AUTS2: variants seen among roughly 807,000 people sequenced by gnomAD.
AUTS2 encodes the protein autism susceptibility gene 2 protein.
In AUTS2, 17 loss-of-function variants were observed where a neutral mutation model predicts 112.4. That is an observed-to-expected ratio of 0.15 (90% CI 0.10 to 0.23). The LOEUF (loss-of-function observed/expected upper bound fraction) is 0.23. Ranked by LOEUF, AUTS2 falls within the 10% of genes least tolerant of loss-of-function variation. The probability of loss-of-function intolerance (pLI) is 1.00; values close to 1 mark genes in which losing one functional copy is unlikely to be tolerated. For synonymous variants in AUTS2, 751 were observed against 702.7 expected (o/e 1.07, Z -1.09); for missense variants, 1,510 against 1,701.6 (o/e 0.89, Z 1.98).
Position 69,899,273 on chromosome 7 carries a change from T to G in AUTS2, c.310-13T>G. The G allele has an allele frequency of 6.2e-7, 1 of 1,605,600 alleles. No homozygotes were observed. Among genetic ancestry groups the G allele is most frequent in the African/African-American group, 1.3e-5 (1 of 74,788 alleles). Reference sequence around the variant, plus strand: ...TAACCACCACTTCCCTTTCCTTCTCTTCTTTTCTACAGAAAGATGTAGCAC... The same window carrying G: ...TAACCACCACTTCCCTTTCCTTCTCGTCTTTTCTACAGAAAGATGTAGCAC... On this transcript the variant is annotated splice_polypyrimidine_tract_variant and intron_variant, in intron 1 of 18. Coordinates refer to ENST00000342771, the MANE Select transcript of AUTS2 (RefSeq NM_015570.4).
chr7:70,302,645 A>G (rs1562864451), intron 4 of AUTS2, among the ~76,000 whole-genome samples: 1 of 151,876 alleles, frequency 6.6e-6, no homozygotes, highest in Non-Finnish European at 1.5e-5. Context: ...TATAATTTCC[A>G]TAATAAAACC....
intron 18 of AUTS2, 51 bp downstream of exon 18, chr7:70,787,482 C>A: frequency 2.2e-6 from 3 of 1,358,786 alleles, no homozygotes; most frequent in Non-Finnish European, 3.0e-6. Flanking sequence ...TGCTCTATGC[C>A]AAGTACCAGT....
intron 4 of AUTS2, among the ~76,000 whole-genome samples, chr7:70,312,041 T>A (rs566882583): frequency 2.6e-5 from 4 of 152,212 alleles, no homozygotes; most frequent in African/African-American, 9.6e-5. Flanking sequence ...GTATTTTTAA[T>A]AGAGATGAAG....
intron 4 of AUTS2, among the ~76,000 whole-genome samples, chr7:70,151,328 C>T (rs1807425908): frequency 6.6e-6 from 1 of 152,086 alleles, no homozygotes; most frequent in Non-Finnish European, 1.5e-5. Context: ...TAACCCATAG[C>T]CAGGAACAGT....
chr7:70,253,598 CA>C (rs1786712957), intron 4 of AUTS2, among the ~76,000 whole-genome samples: 1 of 151,978 alleles, frequency 6.6e-6, no homozygotes, highest in South Asian at 2.1e-4. Context: ...TGGTTTTTAC[CA>C]GATATTTGAT....
intron 1 of AUTS2, among the ~76,000 whole-genome samples, chr7:69,849,124 G>A (rs1363748630): frequency 1.3e-5 from 2 of 152,200 alleles, no homozygotes; most frequent in Non-Finnish European, 2.9e-5. Context: ...TGAGGCTGCA[G>A]TGAGCTATGA....
At chr7:69,962,786 T>A (rs988425836) in intron 2 of AUTS2, among the ~76,000 whole-genome samples, 1 of 151,880 alleles carries the variant, frequency 6.6e-6, no homozygotes, top group Non-Finnish European at 1.5e-5. Flanking sequence ...CTAGGAGGGC[T>A]GAAAAAGAGA....
At chr7:70,492,849 G>T (rs1304597546) in intron 5 of AUTS2, among the ~76,000 whole-genome samples, 1 of 152,220 alleles carries the variant, frequency 6.6e-6, no homozygotes, top group African/African-American at 2.4e-5. Context: ...GAGTGGCCTG[G>T]AAGTGCAGCC....
chr7:70,211,769 G>A (rs570419725), intron 4 of AUTS2, among the ~76,000 whole-genome samples: 4 of 152,032 alleles, frequency 2.6e-5, no homozygotes, highest in Non-Finnish European at 5.9e-5. Flanking sequence ...GGTGGATCAC[G>A]AGGTCAGGAG....
intron 2 of AUTS2, among the ~76,000 whole-genome samples, chr7:70,072,663 T>G (rs778597318): frequency 6.6e-5 from 10 of 152,216 alleles, no homozygotes; most frequent in Non-Finnish European, 1.3e-4. Context: ...ATTAATGACA[T>G]TTTCATTCCT....
At chr7:70,681,968 A>G (rs957089062) in intron 5 of AUTS2, among the ~76,000 whole-genome samples, 2 of 152,164 alleles carry the variant, frequency 1.3e-5, no homozygotes, top group Admixed American at 1.3e-4. Flanking sequence ...CTTATAAACT[A>G]ACTGTCCGTG....
At chr7:69,936,787 A>G (rs889004494) in intron 2 of AUTS2, among the ~76,000 whole-genome samples, 1 of 152,206 alleles carries the variant, frequency 6.6e-6, no homozygotes, top group African/African-American at 2.4e-5. Context: ...GTAATGTGAG[A>G]GTCTAAAACG....
intron 4 of AUTS2, among the ~76,000 whole-genome samples, chr7:70,220,995 A>G (rs1367022066): frequency 1.3e-5 from 2 of 152,172 alleles, no homozygotes; most frequent in East Asian, 1.9e-4. Context: ...TGCAGTGGTC[A>G]CTACAGCCTG....
chr7:69,723,746 G>A (rs1013897479), intron 1 of AUTS2, among the ~76,000 whole-genome samples: 1 of 152,166 alleles, frequency 6.6e-6, no homozygotes. Context: ...TGACTTGGTG[G>A]CAGAGTGCTA....
chr7:70,355,106 GT>G (rs374292807), intron 4 of AUTS2, among the ~76,000 whole-genome samples: 3,697 of 144,004 alleles, frequency 0.026, 57 homozygotes, highest in Non-Finnish European at 0.039. Flanking sequence ...GTATGTATGG[GT>G]GTGTGTGTGT....
At chr7:70,410,848 A>G (rs186040017) in intron 4 of AUTS2, among the ~76,000 whole-genome samples, 3,395 of 144,910 alleles carry the variant, frequency 0.023, 150 homozygotes, top group African/African-American at 0.08. Context: ...TATTATTATT[A>G]TTGTTATTAT....
intron 2 of AUTS2, among the ~76,000 whole-genome samples, chr7:70,108,169 T>A (rs191922387): frequency 2.1e-4 from 32 of 152,218 alleles, no homozygotes; most frequent in African/African-American, 7.0e-4. Flanking sequence ...TTAGTCTTGA[T>A]GAGATTTTAA....
At chr7:69,628,763 C>T (rs549384677) in intron 1 of AUTS2, among the ~76,000 whole-genome samples, 2 of 152,194 alleles carry the variant, frequency 1.3e-5, no homozygotes, top group Admixed American at 1.3e-4. Flanking sequence ...AAATCTGTCC[C>T]CCAGGATCCA....
intron 14 of AUTS2, among the ~76,000 whole-genome samples, chr7:70,781,291 G>A (rs1055119710): frequency 1.3e-5 from 2 of 150,690 alleles, no homozygotes; most frequent in Admixed American, 6.6e-5. Flanking sequence ...AACCCAGGAG[G>A]TGGAGGTTGT....
Sources: gnomAD v4.1 joint callset for allele counts (sites outside exome capture counted in the v4.1 genomes callset) on GRCh38, gnomAD v4.1.1 for gene constraint, MANE v1.5 for transcripts, NCBI Gene and HGNC (gene_info 2026-07-23, HGNC 2026-07-21) for gene names.